ACTR3C: variants seen among roughly 807,000 people sequenced by gnomAD.
The protein encoded by ACTR3C is actin-related protein 3C.
ACTR3C carries 18 observed loss-of-function variants against 26.3 expected under a neutral mutation model. That is an observed-to-expected ratio of 0.68 (90% CI 0.47 to 1.01). ACTR3C has a LOEUF of 1.01. Ranked by LOEUF, ACTR3C falls within the 50% of genes least tolerant of loss-of-function variation. The pLI is 0.00. For synonymous variants in ACTR3C, 55 were observed against 94.5 expected (o/e 0.58, Z 2.42); for missense variants, 184 against 250.7 (o/e 0.73, Z 1.80).
chr7:150,239,507 G>GCTCT (rs1187583060), downstream of ACTR3C, among the ~76,000 whole-genome samples: 995 of 102,902 alleles, frequency 9.7e-3, 29 homozygotes, highest in Non-Finnish European at 0.012. Flanking sequence ...AAAGTTGCTC[G>GCTCT]CTCTCTCTCT....
chr7:149,907,478 T>TTCTCTTCTCTCTCTCTCTCTCTCTCTCTC, the ACTR3C span, among the ~76,000 whole-genome samples: 70 of 97,632 alleles, frequency 7.2e-4, no homozygotes, highest in East Asian at 1.9e-3. Flanking sequence ...CTCTCTTCTC[T>TTCTCTTCTCTCTCTCTCTCTCTCTCTCTC]TCTCTCTCTC....
chr7:150,092,119 T>C, the ACTR3C span, among the ~76,000 whole-genome samples: 7 of 145,164 alleles, frequency 4.8e-5, no homozygotes, highest in Non-Finnish European at 1.1e-4. Context: ...TCAGGATAGG[T>C]AAGTAGAAAT....
intron 2 of ACTR3C, 68 bp downstream of exon 2, chr7:150,295,184 G>A (rs1165761240): frequency 4.5e-6 from 7 of 1,569,688 alleles, no homozygotes; most frequent in Admixed American, 1.7e-5. Context: ...AGAACCTTGG[G>A]AAATACCATT....
chr7:150,150,967 GA>G, the ACTR3C span, among the ~76,000 whole-genome samples: 1 of 136,448 alleles, frequency 7.3e-6, no homozygotes, highest in East Asian at 2.7e-4. Context: ...ATTAACATAG[GA>G]AATTTGTTGC....
the ACTR3C span, among the ~76,000 whole-genome samples, chr7:150,221,278 C>T: frequency 8.6e-5 from 13 of 151,540 alleles, no homozygotes; most frequent in Non-Finnish European, 1.9e-4. Flanking sequence ...GTTTTTTTTT[C>T]TTTCTTTCTT....
chr7:150,050,241 T>C, the ACTR3C span, among the ~76,000 whole-genome samples: 1 of 152,348 alleles, frequency 6.6e-6, no homozygotes, highest in Admixed American at 6.5e-5. Context: ...CTATGAAATA[T>C]GCATGCATAT....
chr7:150,135,216 G>A, the ACTR3C span, among the ~76,000 whole-genome samples: 1 of 152,240 alleles, frequency 6.6e-6, no homozygotes. Context: ...AGCTTGCAGT[G>A]AGCTGAGATC....
chr7:149,940,674 T>C, the ACTR3C span, among the ~76,000 whole-genome samples: 1 of 147,064 alleles, frequency 6.8e-6, no homozygotes, highest in Non-Finnish European at 1.5e-5. Flanking sequence ...GCCAAAGAAA[T>C]ACCATGCCGG....
the ACTR3C span, among the ~76,000 whole-genome samples, chr7:150,117,916 C>G: frequency 6.6e-6 from 1 of 152,218 alleles, no homozygotes; most frequent in Admixed American, 6.5e-5. Context: ...TGTTCTGCAG[C>G]CTCCACTGGT....
chr7:149,918,192 G>A, the ACTR3C span, among the ~76,000 whole-genome samples: 5 of 150,954 alleles, frequency 3.3e-5, no homozygotes, highest in Non-Finnish European at 5.9e-5. Context: ...ATGTTACTTC[G>A]TATATATAAG....
At chr7:150,214,353 A>T in the ACTR3C span, among the ~76,000 whole-genome samples, 3 of 151,300 alleles carry the variant, frequency 2.0e-5, no homozygotes, top group Non-Finnish European at 4.4e-5. Flanking sequence ...ATGATGAATT[A>T]AAAAAAAATC....
At chr7:150,284,135 GA>G (rs1835570729) in intron 6 of ACTR3C, among the ~76,000 whole-genome samples, 1 of 152,204 alleles carries the variant, frequency 6.6e-6, no homozygotes, top group Non-Finnish European at 1.5e-5. Flanking sequence ...GGAATTCACG[GA>G]AAGCATGGAG....
At chr7:150,170,215 C>G in the ACTR3C span, among the ~76,000 whole-genome samples, 56 of 150,436 alleles carry the variant, frequency 3.7e-4, 4 homozygotes, top group African/African-American at 1.4e-3. Flanking sequence ...GTCATGTGGG[C>G]CCCTCCACAG....
chr7:149,979,439 C>G, the ACTR3C span, among the ~76,000 whole-genome samples: 9 of 152,206 alleles, frequency 5.9e-5, no homozygotes, highest in African/African-American at 2.2e-4. Flanking sequence ...ACAAAGACAC[C>G]AAGGTACTGA....
the ACTR3C span, among the ~76,000 whole-genome samples, chr7:150,230,820 C>A: frequency 1.3e-5 from 2 of 152,066 alleles, no homozygotes; most frequent in Admixed American, 1.3e-4. Context: ...TCCATAGCAT[C>A]AGTAGCTATG....
chr7:149,953,362 C>G, the ACTR3C span, among the ~76,000 whole-genome samples: 1 of 149,524 alleles, frequency 6.7e-6, no homozygotes, highest in African/African-American at 2.5e-5. Context: ...TTGTATTTCC[C>G]TTTTGTTTGT....
chr7:150,209,107 AT>A, the ACTR3C span, among the ~76,000 whole-genome samples: 1 of 151,764 alleles, frequency 6.6e-6, no homozygotes, highest in Non-Finnish European at 1.5e-5. Context: ...GAAAAGAAAA[AT>A]TTAAAAATGA....
the ACTR3C span, among the ~76,000 whole-genome samples, chr7:150,142,327 C>T: frequency 6.6e-6 from 1 of 152,178 alleles, no homozygotes; most frequent in Non-Finnish European, 1.5e-5. Context: ...GCATGGGGTC[C>T]TCCCTGTTCT....
the ACTR3C span, among the ~76,000 whole-genome samples, chr7:150,100,789 C>T: frequency 2.3e-3 from 353 of 151,346 alleles, 6 homozygotes; most frequent in East Asian, 0.021. Flanking sequence ...CTGTAACCTC[C>T]CCCTCCCCGG....
Sources: gnomAD v4.1 joint callset for allele counts (sites outside exome capture counted in the v4.1 genomes callset) on GRCh38, gnomAD v4.1.1 for gene constraint, MANE v1.5 for transcripts, NCBI Gene and HGNC (gene_info 2026-07-23, HGNC 2026-07-21) for gene names.